The following ZNF536 variants were observed in gnomAD, a reference collection of about 807,000 sequenced individuals.
ZNF536 encodes the protein zinc finger protein 536.
In ZNF536, 13 loss-of-function variants were observed where a neutral mutation model predicts 84.5. That is an observed-to-expected ratio of 0.15 (90% CI 0.10 to 0.24). The LOEUF (loss-of-function observed/expected upper bound fraction) is 0.24. ZNF536 is among the 10% of genes least tolerant of loss of function. The pLI, the probability that ZNF536 is intolerant of heterozygous loss-of-function variation, is 1.00. For synonymous variants in ZNF536, 811 were observed against 742.5 expected, an observed-to-expected ratio of 1.09 and a Z score of -1.50; for missense variants, 1,536 against 1,747.5, an observed-to-expected ratio of 0.88 and a Z score of 2.16.
intron 2 of ZNF536, among the ~76,000 whole-genome samples, chr19:30,497,784 G>A (rs190321009): frequency 1.3e-4 from 20 of 152,270 alleles, no homozygotes; most frequent in Non-Finnish European, 2.2e-4. Context: ...GTGTGTGAAC[G>A]TGGGGTGTGT....
chr19:30,262,494 A>G (rs1003573944), intron 1 of ZNF536, among the ~76,000 whole-genome samples: 2 of 152,184 alleles, frequency 1.3e-5, no homozygotes, highest in African/African-American at 4.8e-5. Flanking sequence ...TTGGGGACTG[A>G]CAGATGGGCA....
intron 2 of ZNF536, among the ~76,000 whole-genome samples, chr19:30,534,239 A>G (rs191456224): frequency 3.3e-4 from 50 of 152,364 alleles, no homozygotes; most frequent in African/African-American, 1.1e-3. Context: ...TATGTTTATC[A>G]TGGGCTAATT....
intron 1 of ZNF536, among the ~76,000 whole-genome samples, chr19:30,698,228 G>A (rs899313713): frequency 1.3e-5 from 2 of 151,834 alleles, no homozygotes; most frequent in Non-Finnish European, 2.9e-5. Flanking sequence ...GGAGGTGGAC[G>A]CTGCAGTGAA....
chr19:30,277,290 C>A (rs1343825809), intron 1 of ZNF536, among the ~76,000 whole-genome samples: 1 of 152,158 alleles, frequency 6.6e-6, no homozygotes, highest in East Asian at 1.9e-4. Context: ...AGCATCTTGG[C>A]TTTTTTTCAT....
Position 30,488,809 on chromosome 19 carries a change from G to A in ZNF536, c.2170+43077G>A, listed in dbSNP as rs1402889018. ...TAAGTGGCCAAGGCTTCAGTTTGAT[G>A]CTAATGTGGTTTTTAGCAAGATGTC... On this transcript the variant is annotated intron_variant, in intron 2 of 4. Coordinates refer to ENST00000355537, the MANE Select transcript of ZNF536 (RefSeq NM_014717.3). Among the ~76,000 whole-genome samples, 4 of 152,304 alleles carry A rather than the reference G, an allele frequency of 2.6e-5. 1 individual carries two copies. In the South Asian group the frequency reaches 8.3e-4, roughly 32 times the overall value.
intron 1 of ZNF536, among the ~76,000 whole-genome samples, chr19:30,689,851 C>A (rs140666099): frequency 6.6e-6 from 1 of 152,314 alleles, no homozygotes; most frequent in Admixed American, 6.5e-5. Context: ...CAGGCTTGTT[C>A]CTGAAGGCTG....
intron 3 of ZNF536, among the ~76,000 whole-genome samples, chr19:30,535,511 G>T (rs1488385001): frequency 6.6e-6 from 1 of 152,128 alleles, no homozygotes; most frequent in African/African-American, 2.4e-5. Flanking sequence ...TCCATGTGGC[G>T]TGGTGGAAAA....
At chr19:30,268,184 C>T (rs1251660215) in intron 1 of ZNF536, among the ~76,000 whole-genome samples, 1 of 151,112 alleles carries the variant, frequency 6.6e-6, no homozygotes, top group Admixed American at 6.6e-5. Context: ...TTAGATCCCG[C>T]GTTGTAATTG....
At chr19:30,613,892 T>G (rs1333330978) in intron 1 of ZNF536, among the ~76,000 whole-genome samples, 1 of 152,260 alleles carries the variant, frequency 6.6e-6, no homozygotes, top group Non-Finnish European at 1.5e-5. Context: ...AGACAGTGTA[T>G]CACTCTGTTG....
In ZNF536 at chr19:30,625,983, T is replaced by A. The variant is rs1529722; in HGVS notation, c.169+76469T>A. Among the ~76,000 whole-genome samples the A allele has an allele frequency of 2.6e-3, 392 of 152,304 alleles. 1 individual carries two copies. The highest frequency in any genetic ancestry group is 0.017 in the Middle Eastern group (5 of 294). On this transcript the variant is annotated intron_variant, in intron 1 of 1. Transcript: ENST00000592773. Reference sequence around the variant, plus strand: ...TTTTAAAATGATTTTTTTCCACACATGTGGGCAAGAGGTTATATTGTAAGT... The same window carrying A: ...TTTTAAAATGATTTTTTTCCACACAAGTGGGCAAGAGGTTATATTGTAAGT...
chr19:30,584,932 C>A (rs1404542740), intron 1 of ZNF536, among the ~76,000 whole-genome samples: 1 of 151,936 alleles, frequency 6.6e-6, no homozygotes, highest in Non-Finnish European at 1.5e-5. Context: ...CCCCTCTCTA[C>A]AAAAATACTT....
At chr19:30,290,909 A>G (rs1214769338) in intron 2 of ZNF536, among the ~76,000 whole-genome samples, 1 of 152,104 alleles carries the variant, frequency 6.6e-6, no homozygotes, top group Admixed American at 6.5e-5. Flanking sequence ...CTCATTGTTC[A>G]ACTCCCACTT....
intron 2 of ZNF536, among the ~76,000 whole-genome samples, chr19:30,302,191 G>C (rs943584779): frequency 6.6e-6 from 1 of 152,208 alleles, no homozygotes; most frequent in Non-Finnish European, 1.5e-5. Flanking sequence ...GGAAAAGGGA[G>C]GACAGCTTCC....
intron 2 of ZNF536, among the ~76,000 whole-genome samples, chr19:30,318,522 G>A (rs1406402521): frequency 6.6e-6 from 1 of 152,234 alleles, no homozygotes; most frequent in Non-Finnish European, 1.5e-5. Context: ...AGACTGCAGA[G>A]AGGCCTTGGA....
chr19:30,494,945 C>CAAAA (rs1252256481), intron 2 of ZNF536, among the ~76,000 whole-genome samples: 26 of 69,922 alleles, frequency 3.7e-4, no homozygotes, highest in East Asian at 1.2e-3. Flanking sequence ...GACTCCGTCT[C>CAAAA]AAAAAAGAAA....
At chr19:30,380,236 C>T (rs2048970871) in intron 1 of ZNF536, among the ~76,000 whole-genome samples, 3 of 152,148 alleles carry the variant, frequency 2.0e-5, no homozygotes. Context: ...TTTCACATGG[C>T]CCAATTAGAC....
At chr19:30,405,152 AG>A (rs1439989505) in intron 1 of ZNF536, among the ~76,000 whole-genome samples, 2 of 152,152 alleles carry the variant, frequency 1.3e-5, no homozygotes, top group Non-Finnish European at 2.9e-5. Context: ...TTGGGTTTTT[AG>A]GGAAGCTTCA....
chr19:30,341,276 ATAGT>A (rs2047556754), intron 2 of ZNF536, among the ~76,000 whole-genome samples: 1 of 152,262 alleles, frequency 6.6e-6, no homozygotes, highest in Non-Finnish European at 1.5e-5. Flanking sequence ...AAGGAAAAAA[ATAGT>A]TTGTTGAGAT....
chr19:30,506,645 A>C (rs2055185668), intron 2 of ZNF536, among the ~76,000 whole-genome samples: 1 of 152,198 alleles, frequency 6.6e-6, no homozygotes, highest in Admixed American at 6.5e-5. Context: ...TGTGGGGTGC[A>C]TGTGCGCTGG....
Sources: allele counts gnomAD v4.1 joint callset (sites outside exome capture counted in the v4.1 genomes callset), GRCh38; gene constraint gnomAD v4.1.1; transcripts MANE v1.5; gene names NCBI Gene and HGNC (gene_info 2026-07-23, HGNC 2026-07-21).